The following COL5A2 variants were observed in gnomAD, a reference collection of about 807,000 sequenced individuals.
COL5A2 encodes the protein collagen alpha-2(V) chain.
In COL5A2, 23 loss-of-function variants were observed where a neutral mutation model predicts 208.2. The ratio of observed to expected loss-of-function variants is 0.11; its 90% CI spans 0.08 to 0.16. The LOEUF (loss-of-function observed/expected upper bound fraction) is 0.16. COL5A2 is among the 10% of genes least tolerant of loss of function. COL5A2 has a pLI of 1.00. For synonymous variants in COL5A2, 625 were observed against 628.5 expected (o/e 0.99, Z 0.08); for missense variants, 1,590 against 1,956.4 (o/e 0.81, Z 3.53).
At chr2:189,083,849 A>T in intron 12 of COL5A2, 135 bp downstream of exon 12, 1 of 718,182 alleles carries the variant, frequency 1.4e-6, no homozygotes, top group Non-Finnish European at 2.4e-6. Context: ...GTGACATTTT[A>T]CATTTTTACG....
intron 18 of COL5A2, among the ~76,000 whole-genome samples, chr2:189,069,088 C>G (rs557340291): frequency 2.2e-4 from 33 of 152,288 alleles, no homozygotes; most frequent in Non-Finnish European, 4.7e-4. Context: ...CTGGTGGCCT[C>G]TTCACTAGGA....
chr2:189,265,463 G>T, the COL5A2 span, among the ~76,000 whole-genome samples: 10 of 152,150 alleles, frequency 6.6e-5, no homozygotes, highest in East Asian at 1.9e-3. Context: ...CGTTCTCCAT[G>T]TGTGTTCTGT....
rs1559086609 is a variant in COL5A2, at chr2:189,064,773, T to G, written c.1618-118A>C. On this transcript the variant is annotated intron_variant, in intron 24 of 53. Coordinates refer to ENST00000374866, the MANE Select transcript of COL5A2 (RefSeq NM_000393.5). ...TAATATAACATACAAATCAAGGCAC[T>G]GATATAACGTATAAAATTTTGTCAC... 3 of 854,902 alleles carry G rather than the reference T, an allele frequency of 3.5e-6. No homozygotes were observed. In the East Asian group the frequency reaches 7.7e-5, roughly 22 times the overall value. The allele number at this position is 854,902 out of a possible 1,614,324, so 53.0% of individuals were successfully genotyped here. A position where few individuals can be genotyped will look rare whatever the true frequency, so the allele number is the denominator to read the frequency against.
rs140190637 is a variant in COL5A2 at position 189,186,868 on chromosome 2, C to T, written c.-42+38280G>A. 7.0e-4 allele frequency among the ~76,000 whole-genome samples: 106 copies of T among 152,262 alleles called. 1 individual carries two copies. The highest frequency in any genetic ancestry group is 2.6e-3 in the African/African-American group (106 of 41,544). On this transcript the variant is annotated intron_variant, in intron 1 of 10. Transcript: ENST00000649966. Reference sequence around the variant, plus strand: ...ATCTCTGCTGAAAATATATCTTTAACATTTAGACATTATTAAAGATATTTC... The same window carrying T: ...ATCTCTGCTGAAAATATATCTTTAATATTTAGACATTATTAAAGATATTTC...
chr2:189,372,028 G>A, the COL5A2 span, among the ~76,000 whole-genome samples: 3 of 152,112 alleles, frequency 2.0e-5, no homozygotes, highest in African/African-American at 4.8e-5. Context: ...GTTTTCAGGG[G>A]CCAGGCCCAG....
chr2:189,415,070 G>T, the COL5A2 span, among the ~76,000 whole-genome samples: 1 of 152,114 alleles, frequency 6.6e-6, no homozygotes, highest in African/African-American at 2.4e-5. Flanking sequence ...TTTCTTTCTA[G>T]TCTCTTAAGT....
intron 46 of COL5A2, 138 bp downstream of exon 46, chr2:189,045,662 A>G (rs1285910320): frequency 2.7e-6 from 2 of 750,564 alleles, no homozygotes; most frequent in East Asian, 5.4e-5. Flanking sequence ...AGTAGTTCAT[A>G]ATTAGCTGTT....
At chr2:189,322,674 G>A in the COL5A2 span, among the ~76,000 whole-genome samples, 1 of 152,256 alleles carries the variant, frequency 6.6e-6, no homozygotes, top group Non-Finnish European at 1.5e-5. Flanking sequence ...CTGAAATTGA[G>A]GCAACAATTA....
At chr2:189,378,030 C>T in the COL5A2 span, among the ~76,000 whole-genome samples, 5 of 152,124 alleles carry the variant, frequency 3.3e-5, no homozygotes, top group East Asian at 3.8e-4. Flanking sequence ...TGGAGAGCAA[C>T]GAGCTGCTTG....
At position 189,057,161 on chromosome 2, in the gene COL5A2, C is replaced by T. The variant is rs916028040; in HGVS notation, c.2338-135G>A. Reference sequence around the variant, plus strand: ...GGTGAGCCTGGGATGGTGCCTCACACTGTGCATTTTCTCAGTAAATGTTTA... The same window carrying T: ...GGTGAGCCTGGGATGGTGCCTCACATTGTGCATTTTCTCAGTAAATGTTTA... On this transcript the variant is annotated intron_variant, in intron 34 of 53. Coordinates refer to ENST00000374866, the MANE Select transcript of COL5A2 (RefSeq NM_000393.5). 4.6e-6 allele frequency: 5 copies of T among 1,094,782 alleles called. No homozygotes were observed. In the African/African-American group the frequency reaches 6.2e-5, roughly 14 times the overall value. The allele number at this position is 1,094,782 out of a possible 1,614,324, so 67.8% of individuals were successfully genotyped here. A position where few individuals can be genotyped will look rare whatever the true frequency, so the allele number is the denominator to read the frequency against.
chr2:189,287,885 A>C, the COL5A2 span, among the ~76,000 whole-genome samples: 29 of 152,136 alleles, frequency 1.9e-4, no homozygotes, highest in Non-Finnish European at 3.8e-4. Flanking sequence ...CTGAATGTTA[A>C]ATGTAATATT....
chr2:189,099,540 A>G (rs1434287838), intron 4 of COL5A2, among the ~76,000 whole-genome samples: 1 of 152,070 alleles, frequency 6.6e-6, no homozygotes, highest in Non-Finnish European at 1.5e-5. Flanking sequence ...CACAAGAATC[A>G]CTTGAATCTG....
intron 1 of COL5A2, among the ~76,000 whole-genome samples, chr2:189,204,892 G>C (rs1205725172): frequency 6.6e-6 from 1 of 152,084 alleles, no homozygotes; most frequent in Non-Finnish European, 1.5e-5. Flanking sequence ...CCCAGGTCTT[G>C]GGATCTCCTG....
chr2:189,390,779 A>T, the COL5A2 span, among the ~76,000 whole-genome samples: 1 of 152,224 alleles, frequency 6.6e-6, no homozygotes, highest in Non-Finnish European at 1.5e-5. Context: ...ACAAGAAAAT[A>T]AAAGATCAAA....
At chr2:189,207,354 A>G (rs1689155040) in intron 1 of COL5A2, among the ~76,000 whole-genome samples, 1 of 152,192 alleles carries the variant, frequency 6.6e-6, no homozygotes, top group Non-Finnish European at 1.5e-5. Context: ...TATGTCAAAA[A>G]TAACTCAAGA....
chr2:189,060,158 AG>A (rs772343826), intron 31 of COL5A2, among the ~76,000 whole-genome samples: 2 of 152,100 alleles, frequency 1.3e-5, no homozygotes, highest in Non-Finnish European at 1.5e-5. Context: ...AGTCTTATTT[AG>A]GTGCATCTTT....
chr2:189,354,434 T>C, the COL5A2 span, among the ~76,000 whole-genome samples: 1 of 152,334 alleles, frequency 6.6e-6, no homozygotes, highest in South Asian at 2.1e-4. Flanking sequence ...TGGTAGGCTA[T>C]TAATTACTGC....
chr2:189,068,025 C>T lies in COL5A2; in HGVS notation c.1391G>A (p.Arg464Gln), dbSNP rs1553515798. The T allele has an allele frequency of 3.7e-6, 6 of 1,613,768 alleles. No individual in the cohort carries two copies. Among genetic ancestry groups the T allele is most frequent in the East Asian group, 2.2e-5 (1 of 44,882 alleles). ...TTCAAAGGTCATTACCGGTTGGCCT[C>T]GAATTCCCTGAGGACCAGTGCTACC... ...PQGSTGPQGI[R>Q]GQPGDPGVPG... is the part of the protein sequence containing the mutation. Residue 464 changes from arginine (R) to glutamine (Q), a missense_variant, in exon 21 of 54, where the codon CGA (arginine) becomes CAA (glutamine). Transcript: ENST00000374866.
chr2:189,423,905 A>AG, the COL5A2 span, among the ~76,000 whole-genome samples: 1 of 152,168 alleles, frequency 6.6e-6, no homozygotes, highest in African/African-American at 2.4e-5. Flanking sequence ...GAAAAAAAAA[A>AG]GCTACAGGCC....
Sources: gnomAD v4.1 joint callset for allele counts (sites outside exome capture counted in the v4.1 genomes callset) on GRCh38, gnomAD v4.1.1 for gene constraint, MANE v1.5 for transcripts, NCBI Gene and HGNC (gene_info 2026-07-23, HGNC 2026-07-21) for gene names.